Variants in MGAT4C observed in about 807,000 individuals in gnomAD.
The protein encoded by MGAT4C is alpha-1,3-mannosyl-glycoprotein 4-beta-N-acetylglucosaminyltransferase C.
Under a neutral mutation model 40.1 loss-of-function variants are expected in MGAT4C, and 19 were observed. The ratio of observed to expected loss-of-function variants is 0.47; its 90% CI spans 0.33 to 0.70. The LOEUF (loss-of-function observed/expected upper bound fraction) is 0.70. Among genes scored for constraint, MGAT4C ranks in the 30% least tolerant of loss-of-function variants. The pLI is 0.02. For synonymous variants in MGAT4C, 181 were observed against 187.1 expected (o/e 0.97, Z 0.27); for missense variants, 491 against 563.2 (o/e 0.87, Z 1.30).
rs191150857 is a variant in MGAT4C at position 86,179,754 on chromosome 12, G to A, written c.-57+76485C>T. On this transcript the variant is annotated intron_variant, in intron 1 of 4. Transcript: ENST00000611864. Reference sequence around the variant, plus strand: ...GCAGATGAAATTTCTAAGGAGCAAAGCCTTCAAAAGTGACTTGGGTGCTGT... The same window carrying A: ...GCAGATGAAATTTCTAAGGAGCAAAACCTTCAAAAGTGACTTGGGTGCTGT... 2.5e-4 allele frequency among the ~76,000 whole-genome samples: 38 copies of A among 152,250 alleles called. No individual in the cohort carries two copies. In the East Asian group the frequency reaches 5.2e-3, roughly 21 times the overall value.
intron 1 of MGAT4C, among the ~76,000 whole-genome samples, chr12:86,779,820 G>A (rs1342667446): frequency 6.6e-6 from 1 of 152,008 alleles, no homozygotes; most frequent in Non-Finnish European, 1.5e-5. Context: ...GGCTGAGGCA[G>A]GAGAATGGCG....
At position 85,987,940 on chromosome 12, in the gene MGAT4C, TAATC is replaced by T. The variant is rs1885437540; in HGVS notation, c.147+1456_147+1459del. On this transcript the variant is annotated intron_variant, in intron 3 of 4. Transcript: ENST00000611864. ...AATTTTTATTATAAAATTGAATAATTAATCAAGAGAATCTCTAGTTAACTTACAA... is the reference window on the plus strand; with the variant it reads ...AATTTTTATTATAAAATTGAATAATTAAGAGAATCTCTAGTTAACTTACAA... 5.3e-5 allele frequency among the ~76,000 whole-genome samples: 8 copies of T among 152,334 alleles called. No individual in the cohort carries two copies. In the South Asian group the frequency reaches 1.7e-3, roughly 32 times the overall value.
intron 2 of MGAT4C, among the ~76,000 whole-genome samples, chr12:86,686,156 G>T (rs1950069118): frequency 6.6e-6 from 1 of 152,126 alleles, no homozygotes; most frequent in Non-Finnish European, 1.5e-5. Flanking sequence ...TGGGATTACA[G>T]GGGTGAGCCA....
chr12:86,094,698 T>C (rs902807389), intron 1 of MGAT4C, among the ~76,000 whole-genome samples: 6 of 152,170 alleles, frequency 3.9e-5, no homozygotes, highest in African/African-American at 1.4e-4. Context: ...TTCTTTTCTT[T>C]CTTTTATTTC....
At chr12:86,609,138 A>G (rs1394417451) in intron 2 of MGAT4C, among the ~76,000 whole-genome samples, 4 of 152,190 alleles carry the variant, frequency 2.6e-5, no homozygotes, top group Non-Finnish European at 5.9e-5. Context: ...TAGCATTCCT[A>G]TGCACTATGT....
intron 2 of MGAT4C, among the ~76,000 whole-genome samples, chr12:85,993,888 G>T (rs912911985): frequency 2.0e-5 from 3 of 152,206 alleles, no homozygotes; most frequent in Non-Finnish European, 4.4e-5. Flanking sequence ...AGGAGGCCAG[G>T]TAGTGGAGGC....
At chr12:86,132,589 C>T (rs1881354278) in intron 1 of MGAT4C, among the ~76,000 whole-genome samples, 1 of 151,910 alleles carries the variant, frequency 6.6e-6, no homozygotes, top group African/African-American at 2.4e-5. Context: ...GTCAGGAGAT[C>T]GAGACTATCC....
At chr12:86,757,220 T>C (rs1951321008) in intron 1 of MGAT4C, among the ~76,000 whole-genome samples, 1 of 145,298 alleles carries the variant, frequency 6.9e-6, no homozygotes, top group East Asian at 2.0e-4. Flanking sequence ...CTGTTGGGGG[T>C]TGGGGGGCTA....
intron 1 of MGAT4C, among the ~76,000 whole-genome samples, chr12:86,763,895 G>T (rs551448922): frequency 6.6e-6 from 1 of 152,242 alleles, no homozygotes; most frequent in East Asian, 1.9e-4. Context: ...CAAGACGGCC[G>T]AATAGGAACA....
At chr12:86,631,362 T>G (rs545641357) in intron 2 of MGAT4C, among the ~76,000 whole-genome samples, 1 of 152,022 alleles carries the variant, frequency 6.6e-6, no homozygotes, top group African/African-American at 2.4e-5. Context: ...GCCATCCCCA[T>G]GAAGCTACCA....
chr12:86,283,895 T>G (rs1163723742), intron 4 of MGAT4C, among the ~76,000 whole-genome samples: 1 of 152,134 alleles, frequency 6.6e-6, no homozygotes, highest in Admixed American at 6.6e-5. Context: ...TGTTCAACAC[T>G]TTGTGCTAAG....
At chr12:86,566,552 A>G (rs191512382) in intron 2 of MGAT4C, among the ~76,000 whole-genome samples, 11 of 110,722 alleles carry the variant, frequency 9.9e-5, no homozygotes, top group Admixed American at 2.7e-4. Flanking sequence ...ATATATATAT[A>G]TATATATATA....
chr12:86,413,682 G>A (rs1001924145), intron 3 of MGAT4C, among the ~76,000 whole-genome samples: 2 of 151,850 alleles, frequency 1.3e-5, no homozygotes, highest in African/African-American at 2.4e-5. Flanking sequence ...GTAATTTTTC[G>A]GGGGGAATAA....
intron 4 of MGAT4C, among the ~76,000 whole-genome samples, chr12:86,316,322 T>C (rs1469828677): frequency 6.6e-6 from 1 of 152,170 alleles, no homozygotes; most frequent in African/African-American, 2.4e-5. Context: ...TTCTCAAAGA[T>C]CATAAAACAG....
At chr12:86,738,664 T>A (rs1055781901) in intron 1 of MGAT4C, among the ~76,000 whole-genome samples, 1 of 151,352 alleles carries the variant, frequency 6.6e-6, no homozygotes, top group East Asian at 1.9e-4. Context: ...CTTTTGGAAG[T>A]CAGCCTCTGT....
At position 86,037,679 on chromosome 12, in the gene MGAT4C, T is replaced by C. The variant is rs189290492; in HGVS notation, c.-7+11995A>G. On this transcript the variant is annotated intron_variant, in intron 2 of 4. Transcript: ENST00000611864. ...AGTGTTTGTTATTATTTCCATTCTT[T>C]TGCATTTGCTGAGGAGTGTTTTACT... Among the ~76,000 whole-genome samples, 1,040 of 136,850 alleles carry C rather than the reference T, an allele frequency of 7.6e-3. 82 individuals carry two copies. Among genetic ancestry groups the C allele is most frequent in the South Asian group, 0.015 (71 of 4,652 alleles). The allele number at this position is 136,850 out of a possible 152,430, so 89.8% of individuals were successfully genotyped here. A position where few individuals can be genotyped will look rare whatever the true frequency, so the allele number is the denominator to read the frequency against.
intron 1 of MGAT4C, among the ~76,000 whole-genome samples, chr12:86,788,498 C>CTATA (rs894839752): frequency 7.9e-5 from 12 of 152,186 alleles, no homozygotes; most frequent in African/African-American, 2.4e-4. Context: ...ACTTCCTGTC[C>CTATA]TATACAAGGA....
At chr12:86,428,005 G>A (rs1956961846) in intron 3 of MGAT4C, among the ~76,000 whole-genome samples, 1 of 151,914 alleles carries the variant, frequency 6.6e-6, no homozygotes, top group Non-Finnish European at 1.5e-5. Context: ...GGGAGACAGA[G>A]CGAGAGTCCA....
chr12:86,154,271 G>GT, intron 1 of MGAT4C, among the ~76,000 whole-genome samples: 1 of 152,176 alleles, frequency 6.6e-6, no homozygotes, highest in East Asian at 1.9e-4. Context: ...ACATCCTGAG[G>GT]TAAGGGGGAA....
Sources: allele counts gnomAD v4.1 joint callset (sites outside exome capture counted in the v4.1 genomes callset), GRCh38; gene constraint gnomAD v4.1.1; transcripts MANE v1.5; gene names NCBI Gene and HGNC (gene_info 2026-07-23, HGNC 2026-07-21).